Variants in UBE2L3 observed in about 807,000 individuals in gnomAD.
UBE2L3 encodes the protein ubiquitin-conjugating enzyme E2 L3.
UBE2L3 carries 1 observed loss-of-function variant against 17.8 expected under a neutral mutation model. The observed-to-expected ratio is 0.06, with a 90% CI of 0.02 to 0.27. The LOEUF is 0.27. Among genes scored for constraint, UBE2L3 ranks in the 10% least tolerant of loss-of-function variants. UBE2L3 has a pLI of 1.00. For synonymous variants in UBE2L3, 44 were observed against 68.5 expected, an observed-to-expected ratio of 0.64 and a Z score of 1.76; for missense variants, 40 against 192.6, an observed-to-expected ratio of 0.21 and a Z score of 4.69.
intron 1 of UBE2L3, among the ~76,000 whole-genome samples, chr22:21,574,186 G>A (rs1927137356): frequency 6.6e-6 from 1 of 152,148 alleles, no homozygotes; most frequent in Non-Finnish European, 1.5e-5. Context: ...ACCCCTATAA[G>A]AAAGGGAGGA....
intron 1 of UBE2L3, among the ~76,000 whole-genome samples, chr22:21,569,807 C>T (rs1044087368): frequency 1.3e-5 from 2 of 152,182 alleles, no homozygotes; most frequent in African/African-American, 4.8e-5. Context: ...ATTGTGATTT[C>T]CATTTTGTCG....
chr22:21,614,681 G>C, intron 3 of UBE2L3: 1 of 1,337,306 alleles, frequency 7.5e-7, no homozygotes, highest in Non-Finnish European at 1.0e-6. Context: ...CATAATGGAA[G>C]AAATAGTAAT....
intron 1 of UBE2L3, among the ~76,000 whole-genome samples, chr22:21,558,071 C>A (rs143617189): frequency 0.017 from 2,544 of 150,972 alleles, 50 homozygotes; most frequent in African/African-American, 0.059. Context: ...TTCCACTTTC[C>A]CTCTCTCTAC....
chr22:21,559,951 G>T (rs1359901798), intron 1 of UBE2L3, among the ~76,000 whole-genome samples: 2 of 152,288 alleles, frequency 1.3e-5, no homozygotes, highest in Non-Finnish European at 1.5e-5. Flanking sequence ...AGCCTGCCTG[G>T]CTGGTCCACA....
At chr22:21,620,966 C>G (rs1365833285) in intron 3 of UBE2L3, among the ~76,000 whole-genome samples, 18 of 152,140 alleles carry the variant, frequency 1.2e-4, no homozygotes, top group Admixed American at 5.2e-4. Context: ...AGTGAGCAGT[C>G]AGTTCAATAC....
chr22:21,594,024 A>G (rs1928399334), intron 2 of UBE2L3, among the ~76,000 whole-genome samples: 1 of 152,044 alleles, frequency 6.6e-6, no homozygotes, highest in African/African-American at 2.4e-5. Flanking sequence ...CCATCTGTCC[A>G]CCAGGCGGCC....
intron 1 of UBE2L3, among the ~76,000 whole-genome samples, chr22:21,586,165 G>A (rs1927923840): frequency 6.6e-6 from 1 of 152,054 alleles, no homozygotes; most frequent in Admixed American, 6.6e-5. Context: ...CTGGTCTTGA[G>A]TTCCTGTGCT....
intron 1 of UBE2L3, among the ~76,000 whole-genome samples, chr22:21,557,224 T>C: frequency 6.6e-6 from 1 of 152,072 alleles, no homozygotes; most frequent in South Asian, 2.1e-4. Context: ...AAATTTAGCC[T>C]GGCATGGTGG....
intron 1 of UBE2L3, among the ~76,000 whole-genome samples, chr22:21,578,077 G>T (rs1927412182): frequency 6.6e-6 from 1 of 152,106 alleles, no homozygotes; most frequent in South Asian, 2.1e-4. Flanking sequence ...ACAGTCAGCG[G>T]CCGGGCACGG....
chr22:21,557,933 C>T (rs560780940), intron 1 of UBE2L3, among the ~76,000 whole-genome samples: 1 of 151,162 alleles, frequency 6.6e-6, no homozygotes, highest in South Asian at 2.1e-4. Flanking sequence ...GGACCTCTTG[C>T]CCATTGTGTG....
intron 2 of UBE2L3, among the ~76,000 whole-genome samples, chr22:21,601,703 C>G (rs1388898932): frequency 2.0e-5 from 3 of 149,870 alleles, no homozygotes; most frequent in Admixed American, 2.0e-4. Flanking sequence ...CACGGTGGCT[C>G]ACTCACGCCT....
At chr22:21,563,579 C>T (rs1419121357), upstream of UBE2L3, among the ~76,000 whole-genome samples, 1 of 133,582 alleles carries the variant, frequency 7.5e-6, no homozygotes, top group East Asian at 2.3e-4. Flanking sequence ...AAAATTAATA[C>T]TTTTTTTTTT....
At chr22:21,593,768 C>T (rs1391771945) in intron 2 of UBE2L3, among the ~76,000 whole-genome samples, 1 of 152,176 alleles carries the variant, frequency 6.6e-6, no homozygotes. Flanking sequence ...ATGGCCCTTG[C>T]TTGCCTCCTG....
chr22:21,583,780 A>G (rs538513947), intron 1 of UBE2L3, among the ~76,000 whole-genome samples: 2 of 152,350 alleles, frequency 1.3e-5, no homozygotes, highest in East Asian at 1.9e-4. Context: ...CACTGAGTCA[A>G]AAGCTGCCTG....
chr22:21,557,297 G>A (rs1210610928), intron 1 of UBE2L3, among the ~76,000 whole-genome samples: 5 of 152,236 alleles, frequency 3.3e-5, no homozygotes, highest in African/African-American at 9.7e-5. Context: ...AGCCTGGGAG[G>A]CAGAGGTTAC....
At chr22:21,582,929 G>A (rs1927725547) in intron 1 of UBE2L3, among the ~76,000 whole-genome samples, 1 of 152,138 alleles carries the variant, frequency 6.6e-6, no homozygotes, top group Non-Finnish European at 1.5e-5. Flanking sequence ...GATGCAATAA[G>A]CAGGTCCTAG....
intron 1 of UBE2L3, 123 bp from the exon 2 acceptor site, chr22:21,592,738 C>T: frequency 1.3e-6 from 1 of 761,384 alleles, no homozygotes; most frequent in Non-Finnish European, 2.3e-6. Context: ...CAGTTTAGTC[C>T]TCACTGTCCA....
At chr22:21,570,298 A>G (rs1479065156) in intron 1 of UBE2L3, among the ~76,000 whole-genome samples, 1 of 141,324 alleles carries the variant, frequency 7.1e-6, no homozygotes, top group Non-Finnish European at 1.5e-5. Flanking sequence ...TGGTTTTAAA[A>G]TTATTACTCT....
At chr22:21,565,232 A>ACAGG (rs1258911184), upstream of UBE2L3, among the ~76,000 whole-genome samples, 1 of 151,818 alleles carries the variant, frequency 6.6e-6, no homozygotes, top group Non-Finnish European at 1.5e-5. Flanking sequence ...AGCTGGGAAT[A>ACAGG]CAGGCGCCCG....
Sources: allele counts gnomAD v4.1 joint callset (sites outside exome capture counted in the v4.1 genomes callset), GRCh38; gene constraint gnomAD v4.1.1; transcripts MANE v1.5; gene names NCBI Gene and HGNC (gene_info 2026-07-23, HGNC 2026-07-21).